RB1CC1: variants seen among roughly 807,000 people sequenced by gnomAD.
RB1CC1 encodes the protein RB1-inducible coiled-coil protein 1.
Under a neutral mutation model 177.5 loss-of-function variants are expected in RB1CC1, and 46 were observed. The observed-to-expected ratio is 0.26, with a 90% CI of 0.20 to 0.33. The LOEUF (loss-of-function observed/expected upper bound fraction) is 0.33, where lower values mean the gene tolerates loss of function less well. Among genes scored for constraint, RB1CC1 ranks in the 10% least tolerant of loss-of-function variants. The pLI is 1.00. For missense variants in RB1CC1, 1,703 were observed against 1,816.3 expected (o/e 0.94, Z 1.13); for synonymous variants, 666 against 613.6 (o/e 1.09, Z -1.26).
chr8:52,645,714 A>C lies in RB1CC1; in HGVS notation c.3975T>G (p.Ile1325Met), dbSNP rs1435357623. ...AAGAGATACAGACCTGTTGTTCCGC[A>C]ATCAAAGATGTTCGAACATTTTGCA... ...EEMQNVRTSL[I>M]AEQQTNFNTV... Residue 1325 changes from isoleucine (I) to methionine (M), a missense_variant, in exon 16 of 24, where the codon ATT becomes ATG. Transcript: ENST00000025008. 3 of 1,612,732 alleles carry C rather than the reference A, an allele frequency of 1.9e-6. No individual in the cohort carries two copies. In the South Asian group the frequency reaches 3.3e-5, roughly 18 times the overall value.
chr8:52,667,925 TG>T, intron 8 of RB1CC1, 95 bp downstream of exon 8: 2 of 1,209,392 alleles, frequency 1.7e-6, no homozygotes, highest in Non-Finnish European at 2.3e-6. Context: ...AAGGAAAAAG[TG>T]AAAATATGGT....
intron 8 of RB1CC1, 80 bp downstream of exon 8, chr8:52,667,941 A>G: frequency 7.2e-7 from 1 of 1,381,896 alleles, no homozygotes; most frequent in Non-Finnish European, 9.8e-7. Flanking sequence ...TATGGTGCAC[A>G]CCAAATTGAT....
intron 1 of RB1CC1, among the ~76,000 whole-genome samples, chr8:52,693,281 T>C (rs1296114317): frequency 3.9e-5 from 6 of 152,054 alleles, no homozygotes; most frequent in Non-Finnish European, 7.4e-5. Context: ...TGGAATCTAA[T>C]TAAACTAAAG....
At chr8:52,704,414 G>C (rs1856373980) in intron 1 of RB1CC1, among the ~76,000 whole-genome samples, 1 of 142,600 alleles carries the variant, frequency 7.0e-6, no homozygotes, top group Non-Finnish European at 1.5e-5. Flanking sequence ...GCAAAAGTTA[G>C]ACTGAGAAAG....
chr8:52,653,017 A>T (rs1443070298), intron 15 of RB1CC1, among the ~76,000 whole-genome samples: 1 of 152,196 alleles, frequency 6.6e-6, no homozygotes, highest in East Asian at 1.9e-4. Flanking sequence ...AGATCACGCC[A>T]CTGCACTCCA....
intron 1 of RB1CC1, among the ~76,000 whole-genome samples, chr8:52,704,454 T>A (rs1039169693): frequency 1.2e-5 from 1 of 85,600 alleles, no homozygotes; most frequent in African/African-American, 3.9e-5. Flanking sequence ...AAAGGTGACA[T>A]TAAAAAAAAA....
chr8:52,626,248 T>C (rs1848382436), intron 22 of RB1CC1, among the ~76,000 whole-genome samples: 1 of 151,874 alleles, frequency 6.6e-6, no homozygotes, highest in Admixed American at 6.6e-5. Context: ...GGAACGGGGG[T>C]TTATTAATGG....
Position 52,657,673 on chromosome 8 carries a change from A to G in RB1CC1, c.2156T>C (p.Leu719Ser). ...NIEQTIHQVS[L>S]DLDSLAESPE... Reference sequence around the variant, plus strand: ...ACTTTCTGCTAATGAATCCAAGTCTAAAGAAACTTGGTGAATAGTCTGTTC... The same window carrying G: ...ACTTTCTGCTAATGAATCCAAGTCTGAAGAAACTTGGTGAATAGTCTGTTC... Residue 719 changes from leucine (L) to serine (S), a missense_variant, in exon 15 of 24, where the codon TTA (leucine) becomes TCA (serine). Coordinates refer to ENST00000025008, the MANE Select transcript of RB1CC1 (RefSeq NM_014781.5). The G allele has an allele frequency of 6.2e-7, 1 of 1,614,128 alleles. No individual in the cohort carries two copies.
intron 6 of RB1CC1, 96 bp from the exon 7 acceptor site, chr8:52,674,370 T>G: frequency 2.0e-6 from 2 of 1,014,688 alleles, no homozygotes; most frequent in Non-Finnish European, 3.0e-6. Context: ...TACACACAAA[T>G]CTCACCACCT....
intron 5 of RB1CC1, among the ~76,000 whole-genome samples, chr8:52,679,539 T>C (rs1853495979): frequency 6.6e-6 from 1 of 152,326 alleles, no homozygotes; most frequent in South Asian, 2.1e-4. Flanking sequence ...ACCAAACCAA[T>C]GTACTTCTTA....
chr8:52,660,396 A>G (rs1156415639), intron 12 of RB1CC1, among the ~76,000 whole-genome samples, 200 bp downstream of exon 12: 1 of 152,236 alleles, frequency 6.6e-6, no homozygotes. Context: ...TGTGTTATGA[A>G]GATTCTTTAT....
chr8:52,696,978 G>A (rs560948983), intron 1 of RB1CC1, among the ~76,000 whole-genome samples: 4 of 152,196 alleles, frequency 2.6e-5, no homozygotes, highest in African/African-American at 7.2e-5. Context: ...ACTCCAGCCT[G>A]GGCAAGGGAG....
At chr8:52,650,813 G>T (rs1236906551) in intron 15 of RB1CC1, among the ~76,000 whole-genome samples, 1 of 152,150 alleles carries the variant, frequency 6.6e-6, no homozygotes, top group Non-Finnish European at 1.5e-5. Flanking sequence ...GGAAGGCAAG[G>T]CTTTGAGACA....
chr8:52,636,241 T>G (rs1403781201), intron 18 of RB1CC1, among the ~76,000 whole-genome samples, 172 bp from the exon 19 acceptor site: 1 of 152,218 alleles, frequency 6.6e-6, no homozygotes, highest in African/African-American at 2.4e-5. Context: ...ATATTCTCTG[T>G]AGCAGACCTA....
intron 8 of RB1CC1, among the ~76,000 whole-genome samples, chr8:52,664,778 T>C (rs989395847): frequency 6.6e-6 from 1 of 152,142 alleles, no homozygotes; most frequent in African/African-American, 2.4e-5. Context: ...ACCCCAACCA[T>C]ACTCCCAGAA....
At chr8:52,695,347 T>C (rs1402928037) in intron 1 of RB1CC1, among the ~76,000 whole-genome samples, 1 of 152,222 alleles carries the variant, frequency 6.6e-6, no homozygotes, top group Admixed American at 6.5e-5. Flanking sequence ...CAACAGGCAG[T>C]GAAAAATTAA....
At position 52,661,582 on chromosome 8, in the gene RB1CC1, A is replaced by G; in HGVS notation, c.1311T>C (p.Cys437=). 7 of 1,611,344 alleles carry G rather than the reference A, an allele frequency of 4.3e-6. No individual in the cohort carries two copies. The highest frequency in any genetic ancestry group is 5.1e-6 in the Non-Finnish European group (6 of 1,179,114). ...HRKLLDIKQK[C]TTAKQELANN... is the part of the protein sequence containing the mutation. ...TTGCTAGTTCTTGTTTGGCAGTGGTACACTTCTGCTTAATATCTAACAGTT... is the reference window on the plus strand; with the variant it reads ...TTGCTAGTTCTTGTTTGGCAGTGGTGCACTTCTGCTTAATATCTAACAGTT... Residue 437 remains cysteine (C), a synonymous_variant, in exon 9 of 24, where the codon TGT becomes TGC. Transcript: ENST00000025008.
rs137915751 is a variant in RB1CC1, at chr8:52,623,803, T to C, written c.4764A>G (p.Val1588=). 237 of 1,606,870 alleles carry C rather than the reference T, an allele frequency of 1.5e-4. 1 individual carries two copies. The African/African-American group carries it at 2.8e-3, about 19-fold the overall frequency. ...LGTKFYRVKA[V]SWNKKV ...TAAGTTATACTTTCTTATTCCATGA[T>C]ACGGCTTTCACTCTGTAAAACTTTG... is the stretch of plus-strand genomic sequence containing the variant. Residue 1588 remains valine (V), a synonymous_variant, in exon 24 of 24, where the codon GTA becomes GTG. Coordinates refer to ENST00000025008, the MANE Select transcript of RB1CC1 (RefSeq NM_014781.5).
rs373258445 is a variant in RB1CC1, at chr8:52,685,042, C to T, written c.71+357G>A. ...TTTTGAGACAAGAGTCCTGCTCAGT[C>T]GCTGGGCTGGAGTGCAGTGGTGCGA... On this transcript the variant is annotated intron_variant, in intron 3 of 23. Coordinates refer to ENST00000025008, the MANE Select transcript of RB1CC1 (RefSeq NM_014781.5). 1.8e-4 allele frequency among the ~76,000 whole-genome samples: 26 copies of T among 144,932 alleles called. 1 individual carries two copies. The highest frequency in any genetic ancestry group is 6.0e-4 in the East Asian group (3 of 5,006).
Sources: gnomAD v4.1 joint callset for allele counts (sites outside exome capture counted in the v4.1 genomes callset) on GRCh38, gnomAD v4.1.1 for gene constraint, MANE v1.5 for transcripts, NCBI Gene and HGNC (gene_info 2026-07-23, HGNC 2026-07-21) for gene names.